The following KLHL13 variants were observed in gnomAD, a reference collection of about 807,000 sequenced individuals.
The protein encoded by KLHL13 is kelch like family member 13.
A neutral mutation model predicts 37.1 loss-of-function variants in KLHL13; 10 were observed. The observed-to-expected ratio is 0.27, with a 90% CI of 0.17 to 0.46. The LOEUF (loss-of-function observed/expected upper bound fraction) is 0.46, where lower values mean the gene tolerates loss of function less well. KLHL13 is among the 20% of genes least tolerant of loss of function. KLHL13 has a pLI of 1.00. For missense variants in KLHL13, 360 were observed against 509.3 expected, an observed-to-expected ratio of 0.71 and a Z score of 2.82; for synonymous variants, 163 against 181.2, an observed-to-expected ratio of 0.90 and a Z score of 0.81.
chrX:118,065,824 T>C (rs2054788476), intron 1 of KLHL13, among the ~76,000 whole-genome samples: 1 of 111,612 alleles, frequency 9.0e-6, no homozygotes, highest in Non-Finnish European at 1.9e-5. Flanking sequence ...GAAACACAAA[T>C]ACGGAAGAGT....
chrX:117,991,906 C>A (rs1214405077), intron 1 of KLHL13, among the ~76,000 whole-genome samples: 2 of 105,577 alleles, frequency 1.9e-5, no homozygotes, highest in African/African-American at 6.9e-5. Context: ...TAACCCTCAC[C>A]CCCCTCCCAC....
At chrX:118,089,608 G>GAGAGAGAA (rs2055097128) in intron 1 of KLHL13, among the ~76,000 whole-genome samples, 1 of 59,627 alleles carries the variant, frequency 1.7e-5, no homozygotes, top group Admixed American at 2.1e-4. Context: ...GAGAGAGAGA[G>GAGAGAGAA]AGAGAAAGAA....
intron 1 of KLHL13, among the ~76,000 whole-genome samples, chrX:118,030,815 T>A (rs2054329680): frequency 1.8e-5 from 2 of 112,127 alleles, no homozygotes; most frequent in South Asian, 7.4e-4. Flanking sequence ...TCTTTTATCT[T>A]GAACGTCCTA....
At chrX:118,034,954 C>T (rs1397424070) in intron 1 of KLHL13, among the ~76,000 whole-genome samples, 1 of 90,456 alleles carries the variant, frequency 1.1e-5, no homozygotes, top group East Asian at 3.2e-4. Context: ...TCAGAGAATA[C>T]TACAAACACC....
Position 117,963,842 on chromosome X carries a change from C to T in KLHL13, c.98+8889G>A, listed in dbSNP as rs139466887. On this transcript the variant is annotated intron_variant, in intron 1 of 6. Transcript: ENST00000262820. ...AGTGATGATGAGCATTACATATACA[C>T]CATGGAATACTATGCAGCCATAAAA... 8.8e-3 allele frequency among the ~76,000 whole-genome samples: 940 copies of T among 106,841 alleles called. 17 individuals are homozygous for T. Among genetic ancestry groups the T allele is most frequent in the African/African-American group, 0.03 (870 of 29,132 alleles). 92.8% of individuals were successfully genotyped at this position (106,841 alleles called of 115,157 possible).
intron 2 of KLHL13, among the ~76,000 whole-genome samples, chrX:117,928,228 C>T (rs1932195318): frequency 9.0e-6 from 1 of 111,222 alleles, no homozygotes; most frequent in Non-Finnish European, 1.9e-5. Context: ...TAGAAATAAA[C>T]AAATTTACAA....
At chrX:118,044,852 A>G (rs1249190232) in intron 1 of KLHL13, among the ~76,000 whole-genome samples, 2 of 112,333 alleles carry the variant, frequency 1.8e-5, no homozygotes, top group Non-Finnish European at 3.8e-5. Flanking sequence ...GCAATACCTG[A>G]TAAGCACAGA....
chrX:118,033,204 A>C (rs1371149147), intron 1 of KLHL13, among the ~76,000 whole-genome samples: 6 of 111,346 alleles, frequency 5.4e-5, no homozygotes, highest in Non-Finnish European at 1.1e-4. Flanking sequence ...CCAATCTAGC[A>C]AGGCAGGCCA....
intron 1 of KLHL13, among the ~76,000 whole-genome samples, chrX:118,015,208 A>T (rs1393405452): frequency 3.6e-5 from 4 of 111,706 alleles, no homozygotes; most frequent in Non-Finnish European, 1.9e-5. Flanking sequence ...ACACTACTAT[A>T]ACTAGATCAT....
At chrX:117,927,169 G>A (rs1030417202) in intron 2 of KLHL13, among the ~76,000 whole-genome samples, 1 of 110,217 alleles carries the variant, frequency 9.1e-6, no homozygotes, top group African/African-American at 3.3e-5. Context: ...CAAAGTGCTG[G>A]GATTACAGGC....
chrX:117,930,290 A>AAGGCAGGCAGGCAGGCAGGC (rs1166028829), intron 2 of KLHL13, among the ~76,000 whole-genome samples: 45 of 77,966 alleles, frequency 5.8e-4, no homozygotes, highest in African/African-American at 2.7e-3. Flanking sequence ...GGAAGGAAGG[A>AAGGCAGGCAGGCAGGCAGGC]AGGCAGGCAG....
At chrX:118,093,589 T>A (rs1180459460) in intron 1 of KLHL13, among the ~76,000 whole-genome samples, 1 of 112,129 alleles carries the variant, frequency 8.9e-6, no homozygotes. Flanking sequence ...CATGCTACTC[T>A]GTAAATTATT....
intron 1 of KLHL13, among the ~76,000 whole-genome samples, chrX:118,101,621 T>C (rs915337838): frequency 1.8e-5 from 2 of 110,953 alleles, no homozygotes; most frequent in Non-Finnish European, 3.8e-5. Flanking sequence ...TTAGGATGAG[T>C]AGTGATATCG....
chrX:118,060,049 C>T (rs185640028), intron 1 of KLHL13, among the ~76,000 whole-genome samples: 11 of 111,521 alleles, frequency 9.9e-5, no homozygotes, highest in East Asian at 2.8e-4. Flanking sequence ...TAAATATGAA[C>T]GAGGAACAGT....
chrX:118,050,770 T>A (rs1012569197), intron 1 of KLHL13, among the ~76,000 whole-genome samples: 3 of 112,058 alleles, frequency 2.7e-5, no homozygotes, highest in African/African-American at 9.7e-5. Flanking sequence ...TACACACACA[T>A]CTTGCAATTT....
At chrX:118,055,046 C>G (rs1431461354) in intron 1 of KLHL13, among the ~76,000 whole-genome samples, 1 of 111,197 alleles carries the variant, frequency 9.0e-6, no homozygotes, top group Non-Finnish European at 1.9e-5. Flanking sequence ...GCAGAAATCA[C>G]CATGTTACTA....
At chrX:117,911,965 G>A (rs772092876) in intron 4 of KLHL13, among the ~76,000 whole-genome samples, 1 of 111,910 alleles carries the variant, frequency 8.9e-6, no homozygotes, top group Non-Finnish European at 1.9e-5. Flanking sequence ...TGAGTCTCTA[G>A]AAATAGACAG....
chrX:117,906,058 C>T (rs1355409915), intron 5 of KLHL13, among the ~76,000 whole-genome samples: 1 of 111,452 alleles, frequency 9.0e-6, no homozygotes, highest in Non-Finnish European at 1.9e-5. Flanking sequence ...TCCTGCCACC[C>T]ATTCCCATCA....
intron 4 of KLHL13, among the ~76,000 whole-genome samples, chrX:117,915,892 C>T (rs1473934572): frequency 1.8e-5 from 2 of 112,786 alleles, no homozygotes; most frequent in Non-Finnish European, 3.7e-5. Context: ...GGCGCGGTGG[C>T]TCACGCCTGT....
Sources: allele counts gnomAD v4.1 joint callset (sites outside exome capture counted in the v4.1 genomes callset), GRCh38; gene constraint gnomAD v4.1.1; transcripts MANE v1.5; gene names NCBI Gene and HGNC (gene_info 2026-07-23, HGNC 2026-07-21).